CLNS1A: variants seen among roughly 807,000 people sequenced by gnomAD.
CLNS1A encodes methylosome subunit pICln.
In CLNS1A, 16 loss-of-function variants were observed where a neutral mutation model predicts 29.4. The ratio of observed to expected loss-of-function variants is 0.54; its 90% CI spans 0.37 to 0.83. The LOEUF is 0.83. Among genes scored for constraint, CLNS1A ranks in the 40% least tolerant of loss-of-function variants. The pLI, the probability that CLNS1A is intolerant of heterozygous loss-of-function variation, is 0.00. For synonymous variants in CLNS1A, 96 were observed against 104.8 expected (o/e 0.92, Z 0.51); for missense variants, 235 against 287.4 (o/e 0.82, Z 1.32).
chr11:77,631,696 TAAAA>T (rs201745621), intron 1 of CLNS1A, among the ~76,000 whole-genome samples: 1 of 144,470 alleles, frequency 6.9e-6, no homozygotes, highest in Non-Finnish European at 1.5e-5. Context: ...ACATTCTTAT[TAAAA>T]AAAAAAAAGT....
intron 3 of CLNS1A, chr11:77,625,358 C>T: frequency 2.2e-6 from 1 of 458,992 alleles, no homozygotes; most frequent in East Asian, 3.8e-5. Context: ...CTGCTCTCAG[C>T]TGATAGGGCT....
At chr11:77,629,307 T>C (rs767436922) in intron 2 of CLNS1A, among the ~76,000 whole-genome samples, 5 of 152,178 alleles carry the variant, frequency 3.3e-5, no homozygotes, top group Non-Finnish European at 7.3e-5. Context: ...GTGTCCAAGT[T>C]GCTGTGCTGA....
At chr11:77,637,553 C>A in intron 1 of CLNS1A, 37 bp downstream of exon 1, 1 of 1,574,242 alleles carries the variant, frequency 6.4e-7, no homozygotes, top group South Asian at 1.2e-5. Flanking sequence ...AGGAGGGCGG[C>A]GCGCAGGAGG....
At chr11:77,632,507 T>C (rs1959084696) in intron 1 of CLNS1A, among the ~76,000 whole-genome samples, 1 of 152,210 alleles carries the variant, frequency 6.6e-6, no homozygotes, top group African/African-American at 2.4e-5. Flanking sequence ...AATGCTCCTC[T>C]GCACAGCATT....
chr11:77,617,271 G>T (rs1426064373), intron 6 of CLNS1A, among the ~76,000 whole-genome samples: 3 of 150,816 alleles, frequency 2.0e-5, no homozygotes, highest in African/African-American at 7.3e-5. Flanking sequence ...GGGAGGATGA[G>T]GCAGGAGAAT....
intron 2 of CLNS1A, among the ~76,000 whole-genome samples, chr11:77,629,509 T>TC (rs1959053334): frequency 6.6e-6 from 1 of 151,948 alleles, no homozygotes; most frequent in East Asian, 1.9e-4. Context: ...TTCTCCTGCC[T>TC]CAGTCTCCTG....
intron 5 of CLNS1A, among the ~76,000 whole-genome samples, chr11:77,621,278 G>A (rs1958954988): frequency 7.3e-6 from 1 of 137,786 alleles, no homozygotes; most frequent in Admixed American, 7.8e-5. Context: ...GGACGACAGA[G>A]CAAGACTCTG....
intron 1 of CLNS1A, among the ~76,000 whole-genome samples, chr11:77,633,393 T>C (rs1035382855): frequency 6.6e-6 from 1 of 152,242 alleles, no homozygotes; most frequent in Non-Finnish European, 1.5e-5. Context: ...TGTCTGATCA[T>C]TAAATTCTGA....
chr11:77,624,991 A>G lies in CLNS1A; in HGVS notation c.444T>C (p.Asp148=). Residue 148 remains aspartate (D), a synonymous_variant, in exon 4 of 7, where the codon GAT becomes GAC. Coordinates refer to ENST00000525428, the MANE Select transcript of CLNS1A (RefSeq NM_001293.3). ...GTGCTTCCACATCATATTCTTCTCCATCGTAGTCATCTGAATCCTCATCCT... is the reference window on the plus strand; with the variant it reads ...GTGCTTCCACATCATATTCTTCTCCGTCGTAGTCATCTGAATCCTCATCCT... ...DPEDEDSDDY[D]GEEYDVEAHE... is the part of the protein sequence containing the mutation. 1 of 1,613,318 alleles carries G rather than the reference A, an allele frequency of 6.2e-7. No individual in the cohort carries two copies. The highest frequency in any genetic ancestry group is 2.2e-5 in the East Asian group (1 of 44,870).
At chr11:77,631,547 G>C (rs1042037692) in intron 1 of CLNS1A, among the ~76,000 whole-genome samples, 2 of 151,858 alleles carry the variant, frequency 1.3e-5, no homozygotes, top group Non-Finnish European at 2.9e-5. Context: ...TGGATCTCCT[G>C]ACCTCGTGAT....
At chr11:77,625,366 G>C (rs1216329880) in intron 3 of CLNS1A, 11 of 447,120 alleles carry the variant, frequency 2.5e-5, no homozygotes, top group Non-Finnish European at 3.9e-5. Context: ...AGCTGATAGG[G>C]CTCTTTCCAG....
chr11:77,637,597 C>T lies in CLNS1A; in HGVS notation c.118G>A (p.Ala40Thr). Residue 40 changes from alanine to threonine, a missense_variant, in exon 1 of 7, where the codon GCT becomes ACT. Transcript: ENST00000525428. ...KGLGTGTLYI[A>T]ESRLSWLDGS... ...GGGGACCAGGAACCCTACCTCTCAG[C>T]GATGTAAAGGGTACCAGTGCCGAGG... 1 of 1,602,044 alleles carries T rather than the reference C, an allele frequency of 6.2e-7. No homozygotes were observed. Among genetic ancestry groups the T allele is most frequent in the Non-Finnish European group, 8.5e-7 (1 of 1,174,664 alleles).
chr11:77,633,745 C>A (rs564444166), intron 1 of CLNS1A, among the ~76,000 whole-genome samples: 1 of 152,164 alleles, frequency 6.6e-6, no homozygotes, highest in African/African-American at 2.4e-5. Flanking sequence ...ACCTATTTTA[C>A]CTGTTTTAAA....
At chr11:77,625,179 C>T in intron 3 of CLNS1A, 109 bp from the exon 4 acceptor site, 1 of 711,238 alleles carries the variant, frequency 1.4e-6, no homozygotes, top group Non-Finnish European at 2.4e-6. Context: ...ACAAAATCTG[C>T]CAAATTGTAA....
At chr11:77,621,618 C>T (rs1238708963) in intron 5 of CLNS1A, among the ~76,000 whole-genome samples, 2 of 151,990 alleles carry the variant, frequency 1.3e-5, no homozygotes, top group South Asian at 2.1e-4. Context: ...ACTCCAGCCT[C>T]GGCAACAAGA....
In CLNS1A at chr11:77,616,238, C is replaced by A. The variant is rs1958904549; in HGVS notation, c.*480G>T. The stretch of plus-strand genomic sequence containing the variant: ...AGTACTTTGAGGACTTCATCCCAGA[C>A]TCACTTGTTCTGTTACAGAAACTAA... On this transcript the variant is annotated 3_prime_UTR_variant, in exon 7 of 7. Transcript: ENST00000525428. The A allele has an allele frequency of 6.6e-6, 1 of 152,186 alleles. No individual in the cohort carries two copies. The highest frequency in any genetic ancestry group is 2.1e-4 in the South Asian group (1 of 4,828). The allele number at this position is 152,186 out of a possible 1,614,324, so 9.4% of individuals were successfully genotyped here.
rs567357851 is a variant in CLNS1A at position 77,628,293 on chromosome 11, C to T, written c.262+1470G>A. 4.6e-5 allele frequency among the ~76,000 whole-genome samples: 7 copies of T among 152,274 alleles called. No individual in the cohort carries two copies. The South Asian group carries it at 6.2e-4, about 14-fold the overall frequency. On this transcript the variant is annotated intron_variant, in intron 2 of 6. Coordinates refer to ENST00000525428, the MANE Select transcript of CLNS1A (RefSeq NM_001293.3). ...GAGTTGACTGACAAGAGCAAGGTTT[C>T]GCATTTCTGCAAATGAATGAATGCT...
At chr11:77,632,016 C>T (rs1363531286) in intron 1 of CLNS1A, among the ~76,000 whole-genome samples, 4 of 152,204 alleles carry the variant, frequency 2.6e-5, no homozygotes, top group African/African-American at 9.7e-5. Flanking sequence ...GTATTACAGG[C>T]GTGAGCCACT....
chr11:77,622,564 C>T lies in CLNS1A; in HGVS notation c.582G>A (p.Gln194=). 6.2e-7 allele frequency: 1 copy of T among 1,613,666 alleles called. No homozygotes were observed. The highest frequency in any genetic ancestry group is 2.2e-5 in the East Asian group (1 of 44,878). Residue 194 remains glutamine (Q), a synonymous_variant, in exon 5 of 7, where the codon CAG becomes CAA. Transcript: ENST00000525428. ...TLERLEGMLS[Q]SVSSQYNMAG... ...CCATATTATACTGGCTGCTCACAGA[C>T]TGAGAAAGCATTCCTTCTAATCTCT...
Sources: allele counts gnomAD v4.1 joint callset (sites outside exome capture counted in the v4.1 genomes callset), GRCh38; gene constraint gnomAD v4.1.1; transcripts MANE v1.5; gene names NCBI Gene and HGNC (gene_info 2026-07-23, HGNC 2026-07-21).